The following GPR158 variants were observed in gnomAD, a reference collection of about 807,000 sequenced individuals.
The protein encoded by GPR158 is metabotropic glycine receptor.
In GPR158, 30 loss-of-function variants were observed where a neutral mutation model predicts 78.2. That is an observed-to-expected ratio of 0.38 (90% CI 0.29 to 0.52). The LOEUF is 0.52. Ranked by LOEUF, GPR158 falls within the 20% of genes least tolerant of loss-of-function variation. GPR158 has a pLI of 0.83. For synonymous variants in GPR158, 581 were observed against 591.1 expected, an observed-to-expected ratio of 0.98 and a Z score of 0.25; for missense variants, 1,463 against 1,523.5, an observed-to-expected ratio of 0.96 and a Z score of 0.66.
In GPR158 at chr10:25,477,724, C is replaced by T. The variant is rs972183006; in HGVS notation, c.1404+11005C>T. Among the ~76,000 whole-genome samples the T allele has an allele frequency of 2.6e-5, 4 of 152,218 alleles. No individual in the cohort carries two copies. The East Asian group carries it at 7.7e-4, about 29-fold the overall frequency. The stretch of plus-strand genomic sequence containing the variant: ...TTAAATACTTATGAACATAACATTA[C>T]TATTGGGAACACAATAGTATGGGGA... On this transcript the variant is annotated intron_variant, in intron 5 of 10. Coordinates refer to ENST00000376351, the MANE Select transcript of GPR158 (RefSeq NM_020752.3).
At chr10:25,587,295 T>C (rs934492808) in intron 7 of GPR158, among the ~76,000 whole-genome samples, 1 of 152,220 alleles carries the variant, frequency 6.6e-6, no homozygotes, top group African/African-American at 2.4e-5. Flanking sequence ...AGGATCAATT[T>C]CTATTTTTAT....
intron 9 of GPR158, among the ~76,000 whole-genome samples, chr10:25,594,964 T>C (rs1336258739): frequency 1.3e-5 from 2 of 152,150 alleles, no homozygotes; most frequent in Non-Finnish European, 2.9e-5. Flanking sequence ...CCAGGACTTT[T>C]GATTTTTTGT....
At chr10:25,398,164 G>A (rs1163630342) in intron 3 of GPR158, among the ~76,000 whole-genome samples, 2 of 152,150 alleles carry the variant, frequency 1.3e-5, no homozygotes, top group African/African-American at 4.8e-5. Context: ...AGCCTGGTGA[G>A]GCCCTAAACA....
intron 2 of GPR158, among the ~76,000 whole-genome samples, chr10:25,246,378 T>G (rs1309319265): frequency 6.6e-6 from 1 of 152,244 alleles, no homozygotes; most frequent in Non-Finnish European, 1.5e-5. Flanking sequence ...CACTGTTTCT[T>G]GGTTTGTGTT....
At chr10:25,425,790 T>G (rs1024673065) in intron 4 of GPR158, among the ~76,000 whole-genome samples, 1 of 152,158 alleles carries the variant, frequency 6.6e-6, no homozygotes, top group Non-Finnish European at 1.5e-5. Context: ...GGACCTCCTA[T>G]TGCATATAGG....
intron 2 of GPR158, among the ~76,000 whole-genome samples, chr10:25,367,648 G>A (rs141736178): frequency 4.1e-3 from 294 of 71,880 alleles, no homozygotes; most frequent in Non-Finnish European, 7.8e-3. Flanking sequence ...TCTCAGTAAG[G>A]TGGGGTTTTT....
rs12265871 is a variant in GPR158 at position 25,428,804 on chromosome 10, C to T, written c.1335+16331C>T. On this transcript the variant is annotated intron_variant, in intron 4 of 10. Coordinates refer to ENST00000376351, the MANE Select transcript of GPR158 (RefSeq NM_020752.3). ...TACAATGAAATATTTGATTATGTAA[C>T]GCGACGCTTGATTTTATTTGCATAA... 8.3e-3 allele frequency among the ~76,000 whole-genome samples: 1,262 copies of T among 152,010 alleles called. 16 individuals are homozygous for T. The highest frequency in any genetic ancestry group is 0.027 in the African/African-American group (1,128 of 41,476).
intron 2 of GPR158, among the ~76,000 whole-genome samples, chr10:25,257,161 G>A (rs1853899031): frequency 6.6e-6 from 1 of 152,194 alleles, no homozygotes. Flanking sequence ...AAAGGGAGAA[G>A]ATGGAAGCAA....
intron 2 of GPR158, among the ~76,000 whole-genome samples, chr10:25,236,583 C>G (rs1381941952): frequency 6.6e-6 from 1 of 152,196 alleles, no homozygotes; most frequent in Non-Finnish European, 1.5e-5. Flanking sequence ...ATGATTCTAC[C>G]ATGCTTTTTC....
intron 1 of GPR158, among the ~76,000 whole-genome samples, chr10:25,183,951 T>C (rs1473075991): frequency 1.3e-5 from 2 of 152,208 alleles, no homozygotes; most frequent in African/African-American, 4.8e-5. Flanking sequence ...AGATGTGTCT[T>C]ACAATTGAGG....
At chr10:25,396,172 A>G (rs950754521) in intron 3 of GPR158, among the ~76,000 whole-genome samples, 159 bp downstream of exon 3, 2 of 152,182 alleles carry the variant, frequency 1.3e-5, no homozygotes, top group African/African-American at 4.8e-5. Flanking sequence ...TTTGTCATCT[A>G]CAATGCTCTG....
At chr10:25,476,384 G>GTTTTTT (rs56271781) in intron 5 of GPR158, among the ~76,000 whole-genome samples, 4 of 144,434 alleles carry the variant, frequency 2.8e-5, no homozygotes, top group Non-Finnish European at 3.0e-5. Context: ...TTTAATAAGG[G>GTTTTTT]TTTTTTTTTT....
chr10:25,483,516 T>C (rs1835687530), intron 5 of GPR158, among the ~76,000 whole-genome samples: 1 of 152,188 alleles, frequency 6.6e-6, no homozygotes, highest in Non-Finnish European at 1.5e-5. Context: ...AATTGATCGT[T>C]TTTTACATGC....
chr10:25,367,014 T>C (rs1003358089), intron 2 of GPR158, among the ~76,000 whole-genome samples: 8 of 151,746 alleles, frequency 5.3e-5, no homozygotes, highest in Non-Finnish European at 7.4e-5. Context: ...TTTTACTTTA[T>C]AAATTGTCTA....
intron 5 of GPR158, among the ~76,000 whole-genome samples, chr10:25,527,190 CAG>C (rs1836360386): frequency 6.6e-6 from 1 of 152,088 alleles, no homozygotes; most frequent in Non-Finnish European, 1.5e-5. Flanking sequence ...ACAGTCAAGT[CAG>C]AGATTTTTAC....
chr10:25,577,120 A>C (rs1016035225), intron 7 of GPR158, among the ~76,000 whole-genome samples: 1 of 152,228 alleles, frequency 6.6e-6, no homozygotes, highest in Non-Finnish European at 1.5e-5. Flanking sequence ...TTCAGCATGC[A>C]GCATCAATAT....
chr10:25,390,929 GGGCTC>G (rs1834287695), intron 2 of GPR158, among the ~76,000 whole-genome samples: 1 of 152,160 alleles, frequency 6.6e-6, no homozygotes, highest in Non-Finnish European at 1.5e-5. Flanking sequence ...GCTGGCTCCA[GGGCTC>G]CCCTGCTTTG....
chr10:25,371,335 C>T (rs2130549677), intron 2 of GPR158, among the ~76,000 whole-genome samples: 1 of 151,910 alleles, frequency 6.6e-6, no homozygotes, highest in Non-Finnish European at 1.5e-5. Context: ...TTTAGCGCTT[C>T]CTTCAGGAGG....
intron 2 of GPR158, among the ~76,000 whole-genome samples, chr10:25,379,676 C>A (rs902625068): frequency 1.1e-5 from 1 of 93,740 alleles, no homozygotes; most frequent in Non-Finnish European, 2.6e-5. Flanking sequence ...CTGTACTTCC[C>A]TTCTCTCTGA....
Sources: gnomAD v4.1 joint callset for allele counts (sites outside exome capture counted in the v4.1 genomes callset) on GRCh38, gnomAD v4.1.1 for gene constraint, MANE v1.5 for transcripts, NCBI Gene and HGNC (gene_info 2026-07-23, HGNC 2026-07-21) for gene names.